NKAIN2: variants seen among roughly 807,000 people sequenced by gnomAD.
The protein encoded by NKAIN2 is sodium/potassium-transporting ATPase subunit beta-1-interacting protein 2.
Under a neutral mutation model 32.6 loss-of-function variants are expected in NKAIN2, and 14 were observed. That is an observed-to-expected ratio of 0.43 (90% CI 0.28 to 0.67). The LOEUF is 0.67. Among genes scored for constraint, NKAIN2 ranks in the 30% least tolerant of loss-of-function variants. The pLI is 0.17. For missense variants in NKAIN2, 198 were observed against 258.3 expected (o/e 0.77, Z 1.60); for synonymous variants, 80 against 87.2 (o/e 0.92, Z 0.46).
At chr6:124,093,360 T>G (rs1784514197) in intron 1 of NKAIN2, among the ~76,000 whole-genome samples, 1 of 152,024 alleles carries the variant, frequency 6.6e-6, no homozygotes. Context: ...CACTACCTAG[T>G]TTCACATCCA....
chr6:123,827,504 A>G (rs1269653870), intron 1 of NKAIN2, among the ~76,000 whole-genome samples: 1 of 152,188 alleles, frequency 6.6e-6, no homozygotes, highest in Non-Finnish European at 1.5e-5. Context: ...ATTCAGCATC[A>G]GCCAGTAAGA....
intron 1 of NKAIN2, among the ~76,000 whole-genome samples, chr6:124,229,188 A>C (rs1792291782): frequency 6.6e-6 from 1 of 152,186 alleles, no homozygotes; most frequent in African/African-American, 2.4e-5. Flanking sequence ...AAGATGGAGG[A>C]AATGTACCAG....
At chr6:124,477,038 T>C (rs1777245465) in intron 3 of NKAIN2, among the ~76,000 whole-genome samples, 1 of 152,190 alleles carries the variant, frequency 6.6e-6, no homozygotes, top group Non-Finnish European at 1.5e-5. Flanking sequence ...TAAATAATCC[T>C]GAAGAAGAAA....
intron 1 of NKAIN2, among the ~76,000 whole-genome samples, chr6:124,233,148 A>G (rs1244496879): frequency 7.3e-4 from 111 of 151,864 alleles, no homozygotes; most frequent in Non-Finnish European, 1.6e-4. Flanking sequence ...TGTATTATAT[A>G]TTGCCTATTG....
At chr6:124,713,454 C>T (rs181856045) in intron 4 of NKAIN2, among the ~76,000 whole-genome samples, 11 of 152,214 alleles carry the variant, frequency 7.2e-5, no homozygotes, top group African/African-American at 2.2e-4. Flanking sequence ...TATCAGTCAA[C>T]GCTGTGCTAA....
intron 5 of NKAIN2, among the ~76,000 whole-genome samples, chr6:124,801,487 C>G (rs116382340): frequency 0.01 from 1,598 of 152,242 alleles, 26 homozygotes; most frequent in African/African-American, 0.037. Context: ...ACATCGCTGT[C>G]AAGATTCGAA....
intron 3 of NKAIN2, among the ~76,000 whole-genome samples, chr6:124,431,446 T>C (rs1775213622): frequency 6.6e-6 from 1 of 152,216 alleles, no homozygotes; most frequent in Non-Finnish European, 1.5e-5. Flanking sequence ...ATTGATACCA[T>C]TACAAATGTC....
In NKAIN2 at chr6:123,852,554, A is replaced by G. The variant is rs971540233; in HGVS notation, c.54+48300A>G. Among the ~76,000 whole-genome samples the G allele has an allele frequency of 6.6e-5, 10 of 152,216 alleles. No homozygotes were observed. The South Asian group carries it at 1.0e-3, about 16-fold the overall frequency. On this transcript the variant is annotated intron_variant, in intron 1 of 6. Transcript: ENST00000368417. ...ATCAGTATGTTGGAGGGATATCTGC[A>G]GTCCTGTGTTCATTGCAGCATTATT...
intron 3 of NKAIN2, among the ~76,000 whole-genome samples, chr6:124,615,659 C>T (rs908866428): frequency 6.6e-6 from 1 of 151,818 alleles, no homozygotes; most frequent in African/African-American, 2.4e-5. Flanking sequence ...AAAATTTTAG[C>T]CATTATTTCT....
chr6:124,410,179 G>A (rs1320208547), intron 3 of NKAIN2, among the ~76,000 whole-genome samples: 3 of 151,966 alleles, frequency 2.0e-5, no homozygotes, highest in South Asian at 2.1e-4. Context: ...AGGGTTTTTT[G>A]TGTCTCTCTC....
chr6:124,139,327 A>C (rs914528043), intron 1 of NKAIN2, among the ~76,000 whole-genome samples: 1 of 150,936 alleles, frequency 6.6e-6, no homozygotes, highest in African/African-American at 2.4e-5. Context: ...TGACCTCATG[A>C]TCCACCCGCC....
intron 1 of NKAIN2, among the ~76,000 whole-genome samples, chr6:124,099,363 G>GTAA (rs765175193): frequency 5.9e-4 from 90 of 152,152 alleles, no homozygotes; most frequent in Non-Finnish European, 7.3e-4. Flanking sequence ...TGTTAAAAAT[G>GTAA]TAATTTGAAT....
Position 124,024,042 on chromosome 6 carries a change from TA to T in NKAIN2, c.54+219789del, listed in dbSNP as rs1165275850. 3.3e-5 allele frequency among the ~76,000 whole-genome samples: 5 copies of T among 151,992 alleles called. No homozygotes were observed. In the South Asian group the frequency reaches 6.2e-4, roughly 19 times the overall value. The stretch of plus-strand genomic sequence containing the variant: ...TCTTTCAAATAATAAAAAATAGAAA[TA>T]GGGGGTGCAATTGGTTAAAAAAATG... On this transcript the variant is annotated intron_variant, in intron 1 of 6. Transcript: ENST00000368417.
chr6:124,001,072 T>G (rs189937841), intron 1 of NKAIN2, among the ~76,000 whole-genome samples: 12 of 152,204 alleles, frequency 7.9e-5, no homozygotes, highest in African/African-American at 2.9e-4. Context: ...GGAATTGGAA[T>G]GTGAAAAACC....
At chr6:124,477,165 A>T (rs1419436346) in intron 3 of NKAIN2, among the ~76,000 whole-genome samples, 1 of 152,216 alleles carries the variant, frequency 6.6e-6, no homozygotes, top group East Asian at 1.9e-4. Flanking sequence ...TATAATCCTT[A>T]ACCAAAGTAA....
chr6:124,093,858 C>CAG (rs1784535379), intron 1 of NKAIN2, among the ~76,000 whole-genome samples: 1 of 152,044 alleles, frequency 6.6e-6, no homozygotes, highest in African/African-American at 2.4e-5. Context: ...AGAGGAAAGC[C>CAG]AGAGAAACTA....
intron 2 of NKAIN2, among the ~76,000 whole-genome samples, chr6:124,285,262 A>C (rs1421428279): frequency 6.6e-6 from 1 of 152,224 alleles, no homozygotes. Flanking sequence ...GTCCTGGGTT[A>C]GAAATATATC....
In NKAIN2 at chr6:124,313,580, T is replaced by C. The variant is rs1796811570; in HGVS notation, c.192+30438T>C. Among the ~76,000 whole-genome samples, 3 of 152,262 alleles carry C rather than the reference T, an allele frequency of 2.0e-5. No individual in the cohort carries two copies. The South Asian group carries it at 6.2e-4, about 32-fold the overall frequency. On this transcript the variant is annotated intron_variant, in intron 2 of 6. Transcript: ENST00000368417. ...TACACTTCTGCCCTCTTCCTTGCTA[T>C]TCTGGGATTTCTTCTTCTCCAGTGT... is the stretch of plus-strand genomic sequence containing the variant.
intron 3 of NKAIN2, among the ~76,000 whole-genome samples, chr6:124,383,585 G>A (rs9320988): frequency 0.22 from 33,423 of 152,080 alleles, 4,676 homozygotes; most frequent in African/African-American, 0.4. Flanking sequence ...TGTTCCCTCA[G>A]CCTGGCAGAG....
Sources: gnomAD v4.1 joint callset for allele counts (sites outside exome capture counted in the v4.1 genomes callset) on GRCh38, gnomAD v4.1.1 for gene constraint, MANE v1.5 for transcripts, NCBI Gene and HGNC (gene_info 2026-07-23, HGNC 2026-07-21) for gene names.